Variants in PRKAR2B observed in about 807,000 individuals in gnomAD.
PRKAR2B encodes the protein protein kinase cAMP-dependent type II regulatory subunit beta.
PRKAR2B carries 14 observed loss-of-function variants against 49.9 expected under a neutral mutation model. The observed-to-expected ratio is 0.28, with a 90% CI of 0.19 to 0.44. PRKAR2B has a LOEUF of 0.44. Ranked by LOEUF, PRKAR2B falls within the 20% of genes least tolerant of loss-of-function variation. The pLI is 1.00. For synonymous variants in PRKAR2B, 196 were observed against 197.7 expected (o/e 0.99, Z 0.07); for missense variants, 393 against 537.9 (o/e 0.73, Z 2.67).
intron 3 of PRKAR2B, among the ~76,000 whole-genome samples, chr7:107,125,791 T>C (rs1795471380): frequency 6.6e-6 from 1 of 151,918 alleles, no homozygotes; most frequent in Non-Finnish European, 1.5e-5. Flanking sequence ...AAAATACTAC[T>C]TAGAAATGGT....
intron 2 of PRKAR2B, among the ~76,000 whole-genome samples, chr7:107,113,275 G>C (rs1393267532): frequency 6.6e-6 from 1 of 152,118 alleles, no homozygotes; most frequent in African/African-American, 2.4e-5. Context: ...TGTGATTCAA[G>C]GTCTCAGGCC....
chr7:107,058,054 G>GA (rs1793949467), intron 1 of PRKAR2B, among the ~76,000 whole-genome samples: 2 of 138,188 alleles, frequency 1.4e-5, no homozygotes, highest in African/African-American at 6.1e-5. Context: ...GTCCGACTTG[G>GA]AAAAAAAAGT....
intron 1 of PRKAR2B, among the ~76,000 whole-genome samples, chr7:107,048,572 G>GTA (rs1303214468): frequency 1.3e-5 from 2 of 152,230 alleles, no homozygotes; most frequent in Admixed American, 1.3e-4. Flanking sequence ...GATCAAGCAT[G>GTA]TGACCTTGAC....
intron 1 of PRKAR2B, among the ~76,000 whole-genome samples, chr7:107,045,776 A>G (rs747798593): frequency 3.4e-4 from 52 of 152,290 alleles, no homozygotes; most frequent in South Asian, 1.2e-3. Flanking sequence ...TGGAAATAAG[A>G]GTTATCTATT....
intron 6 of PRKAR2B, 53 bp from the exon 7 acceptor site, chr7:107,150,869 A>G (rs1024705724): frequency 1.8e-5 from 16 of 887,086 alleles, no homozygotes; most frequent in Admixed American, 5.4e-5. Flanking sequence ...AAATAAAACT[A>G]TTTGTATAGC....
chr7:107,118,645 C>T (rs746346788), intron 2 of PRKAR2B, among the ~76,000 whole-genome samples: 8 of 152,068 alleles, frequency 5.3e-5, no homozygotes, highest in African/African-American at 1.7e-4. Flanking sequence ...CACTGTATTG[C>T]GAGAGTGCAA....
chr7:107,116,808 CG>C (rs1000723145), intron 2 of PRKAR2B, among the ~76,000 whole-genome samples: 7 of 151,086 alleles, frequency 4.6e-5, no homozygotes, highest in African/African-American at 1.5e-4. Context: ...TGAACAGGGG[CG>C]GGGGAAGCCT....
Position 107,121,945 on chromosome 7 carries a change from T to C in PRKAR2B, c.344-7T>C. 1 of 1,572,334 alleles carries C rather than the reference T, an allele frequency of 6.4e-7. No individual in the cohort carries two copies. Among genetic ancestry groups the C allele is most frequent in the Non-Finnish European group, 8.7e-7 (1 of 1,150,624 alleles). ...AATCTTTAAGATGTTCATTTTTGTT[T>C]TTATAGTATGTGCAGAAGCTTATAA... On this transcript the variant is annotated splice_polypyrimidine_tract_variant and splice_region_variant and intron_variant, in intron 2 of 10. Transcript: ENST00000265717.
chr7:107,085,967 T>C (rs1449533340), intron 2 of PRKAR2B, among the ~76,000 whole-genome samples: 1 of 152,218 alleles, frequency 6.6e-6, no homozygotes, highest in Non-Finnish European at 1.5e-5. Context: ...TGTATAGGCA[T>C]TGTCAAATTG....
At chr7:107,104,765 A>G (rs959683782) in intron 2 of PRKAR2B, among the ~76,000 whole-genome samples, 4 of 152,182 alleles carry the variant, frequency 2.6e-5, no homozygotes, top group African/African-American at 7.2e-5. Flanking sequence ...TATACTGGAA[A>G]TATAGTGGGA....
intron 2 of PRKAR2B, among the ~76,000 whole-genome samples, chr7:107,109,599 C>T (rs1353736962): frequency 1.3e-5 from 2 of 151,906 alleles, no homozygotes; most frequent in Non-Finnish European, 2.9e-5. Context: ...TGAAAACAAG[C>T]CCTGTTAATC....
rs532859075 is a variant in PRKAR2B at position 107,155,633 on chromosome 7, T to C, written c.919-1351T>C. On this transcript the variant is annotated intron_variant, in intron 8 of 10. Transcript: ENST00000265717. ...TCTCTAATGATCAGTAATGATCTTT[T>C]TTTCATTTTTTTTTTGGCTGCATAA... Among the ~76,000 whole-genome samples, 6 of 151,244 alleles carry C rather than the reference T, an allele frequency of 4.0e-5. No individual in the cohort carries two copies. In the East Asian group the frequency reaches 1.2e-3, roughly 29 times the overall value.
intron 4 of PRKAR2B, 67 bp downstream of exon 4, chr7:107,128,362 C>A: frequency 3.3e-6 from 4 of 1,229,268 alleles, no homozygotes; most frequent in African/African-American, 1.5e-5. Flanking sequence ...AAGAACTGTA[C>A]AGGGTCTTGA....
intron 2 of PRKAR2B, among the ~76,000 whole-genome samples, chr7:107,099,619 G>A (rs994816784): frequency 4.0e-5 from 6 of 151,404 alleles, no homozygotes; most frequent in Middle Eastern, 3.2e-3. Flanking sequence ...GTTCCTATTC[G>A]GCCATCTTGC....
At chr7:107,097,028 G>C (rs1794852720) in intron 2 of PRKAR2B, among the ~76,000 whole-genome samples, 1 of 152,188 alleles carries the variant, frequency 6.6e-6, no homozygotes, top group Non-Finnish European at 1.5e-5. Context: ...TACTAGGTCT[G>C]CTTGGTGCAG....
intron 3 of PRKAR2B, among the ~76,000 whole-genome samples, chr7:107,127,749 C>T (rs963645048): frequency 6.6e-6 from 1 of 152,222 alleles, no homozygotes; most frequent in Non-Finnish European, 1.5e-5. Context: ...TTTCCAGGGA[C>T]CTTATCAAGA....
At chr7:107,099,244 C>T (rs983965023) in intron 2 of PRKAR2B, among the ~76,000 whole-genome samples, 24 of 152,182 alleles carry the variant, frequency 1.6e-4, no homozygotes, top group African/African-American at 5.1e-4. Flanking sequence ...GCCTCGCTGC[C>T]GCCTTGCAGT....
At chr7:107,067,090 C>T (rs1012340752) in intron 1 of PRKAR2B, 1 of 152,390 alleles carries the variant, frequency 6.6e-6, no homozygotes, top group Non-Finnish European at 1.5e-5. Flanking sequence ...TGTGGAAGGT[C>T]GGGATGTTGG....
intron 2 of PRKAR2B, among the ~76,000 whole-genome samples, chr7:107,070,871 C>G (rs908255246): frequency 1.3e-5 from 2 of 152,148 alleles, no homozygotes; most frequent in Non-Finnish European, 2.9e-5. Flanking sequence ...GTTTGTGCCC[C>G]TGAGGCTATT....
Sources: allele counts gnomAD v4.1 joint callset (sites outside exome capture counted in the v4.1 genomes callset), GRCh38; gene constraint gnomAD v4.1.1; transcripts MANE v1.5; gene names NCBI Gene and HGNC (gene_info 2026-07-23, HGNC 2026-07-21).